Variants in FCRL2 observed in about 807,000 individuals in gnomAD.
The protein encoded by FCRL2 is Fc receptor like 2, also known as Fc receptor-like protein 2.
In FCRL2, 48 loss-of-function variants were observed where a neutral mutation model predicts 59.8. The ratio of observed to expected loss-of-function variants is 0.80; its 90% CI spans 0.64 to 1.02. The LOEUF (loss-of-function observed/expected upper bound fraction) is 1.02, where lower values mean the gene tolerates loss of function less well. Among genes scored for constraint, FCRL2 ranks in the 50% least tolerant of loss-of-function variants. The pLI, the probability that FCRL2 is intolerant of heterozygous loss-of-function variation, is 0.00. For missense variants in FCRL2, 658 were observed against 597.3 expected, an observed-to-expected ratio of 1.10 and a Z score of -1.06; for synonymous variants, 251 against 229.5, an observed-to-expected ratio of 1.09 and a Z score of -0.85.
rs1407437283 is a variant in FCRL2, at chr1:157,774,456, T to C, written c.52+1319A>G. The C allele has an allele frequency of 1.8e-5, 8 of 456,310 alleles. No homozygotes were observed. The East Asian group carries it at 4.9e-4, about 28-fold the overall frequency. The allele number at this position is 456,310 out of a possible 1,614,324, so 28.3% of individuals were successfully genotyped here. A position where few individuals can be genotyped will look rare whatever the true frequency, so the allele number is the denominator to read the frequency against. On this transcript the variant is annotated intron_variant, in intron 2 of 11. Coordinates refer to ENST00000361516, the MANE Select transcript of FCRL2 (RefSeq NM_030764.4). ...TGCTGAACTAAGTTCTCTCTTACTC[T>C]TTTTAAAAAGAAAAGATCTCAAACT...
chr1:157,748,784 G>A, intron 9 of FCRL2, 91 bp downstream of exon 9: 1 of 1,276,294 alleles, frequency 7.8e-7, no homozygotes, highest in Non-Finnish European at 1.1e-6. Context: ...TGGTGTTGGG[G>A]TGTCTACACC....
Position 157,746,621 on chromosome 1 carries a change from G to C in FCRL2, c.*115C>G. 1.0e-6 allele frequency: 1 copy of C among 999,482 alleles called. No individual in the cohort carries two copies. The highest frequency in any genetic ancestry group is 1.4e-5 in the South Asian group (1 of 69,334). The allele number at this position is 999,482 out of a possible 1,614,324, so 61.9% of individuals were successfully genotyped here. ...AAAAATGACAGGAGGTGCCTCCTGA[G>C]GCACGTTCTGGCTGTGGCAGGTGAT... On this transcript the variant is annotated 3_prime_UTR_variant, in exon 12 of 12. Coordinates refer to ENST00000361516, the MANE Select transcript of FCRL2 (RefSeq NM_030764.4).
chr1:157,746,902 G>C lies in FCRL2; in HGVS notation c.1460-3C>G, dbSNP rs766235041. 1.2e-6 allele frequency: 2 copies of C among 1,613,188 alleles called. No homozygotes were observed. Among genetic ancestry groups the C allele is most frequent in the African/African-American group, 1.3e-5 (1 of 75,044 alleles). On this transcript the variant is annotated splice_region_variant and splice_polypyrimidine_tract_variant and intron_variant, in intron 10 of 11. Transcript: ENST00000361516. ...CTCCAGAAGTGTCCTGATGTTTGCT[G>C]TTAAGGAAAAAGTAATAGTTCTGAG...
At chr1:157,776,143 A>G (rs1003602806) in intron 1 of FCRL2, among the ~76,000 whole-genome samples, 8 of 152,182 alleles carry the variant, frequency 5.3e-5, no homozygotes, top group Non-Finnish European at 8.8e-5. Context: ...TGACAACACG[A>G]TCACAAAGGG....
Position 157,770,609 on chromosome 1 carries a change from T to G in FCRL2, c.110A>C (p.Lys37Thr). ...SVFEGDSIVL[K>T]CQGEQNWKIQ... ...TTTCCAGTTCTGTTCTCCCTGGCATTTCAGAACGATGCTGTCTCCTTCGAA... is the reference window on the plus strand; with the variant it reads ...TTTCCAGTTCTGTTCTCCCTGGCATGTCAGAACGATGCTGTCTCCTTCGAA... Residue 37 changes from lysine to threonine, a missense_variant, in exon 3 of 12, where the codon AAA (lysine) becomes ACA (threonine). Lys to Thr is a moderately conservative substitution (Grantham distance 78, BLOSUM62 -1). Coordinates refer to ENST00000361516, the MANE Select transcript of FCRL2 (RefSeq NM_030764.4). The G allele has an allele frequency of 6.2e-7, 1 of 1,614,184 alleles. No individual in the cohort carries two copies. Among genetic ancestry groups the G allele is most frequent in the Non-Finnish European group, 8.5e-7 (1 of 1,180,014 alleles).
intron 7 of FCRL2, among the ~76,000 whole-genome samples, chr1:157,752,331 T>C (rs1648255661): frequency 6.6e-6 from 1 of 152,236 alleles, no homozygotes; most frequent in African/African-American, 2.4e-5. Flanking sequence ...GGAGTTTCCC[T>C]GCACAAGCTT....
At chr1:157,767,098 G>T in intron 6 of FCRL2, 127 bp from the exon 7 acceptor site, 1 of 1,314,574 alleles carries the variant, frequency 7.6e-7, no homozygotes, top group Non-Finnish European at 1.1e-6. Flanking sequence ...GTACTCTTCA[G>T]GTTAGTGTGG....
At chr1:157,760,452 A>C (rs1038541181) in intron 7 of FCRL2, among the ~76,000 whole-genome samples, 1 of 150,686 alleles carries the variant, frequency 6.6e-6, no homozygotes, top group Non-Finnish European at 1.5e-5. Flanking sequence ...GTGAAATGCT[A>C]TCTCTTCTAA....
At chr1:157,765,917 A>G (rs12088706) in intron 7 of FCRL2, among the ~76,000 whole-genome samples, 2,594 of 152,296 alleles carry the variant, frequency 0.017, 64 homozygotes, top group African/African-American at 0.058. Context: ...CTGAATCAAC[A>G]TGTTAAAAGT....
At chr1:157,752,471 T>C (rs1043286585) in intron 7 of FCRL2, among the ~76,000 whole-genome samples, 2 of 152,210 alleles carry the variant, frequency 1.3e-5, no homozygotes, top group African/African-American at 4.8e-5. Context: ...TAAATTGCCC[T>C]GTCTCAGGTA....
At chr1:157,771,402 C>A (rs1406420194) in intron 2 of FCRL2, among the ~76,000 whole-genome samples, 1 of 152,196 alleles carries the variant, frequency 6.6e-6, no homozygotes, top group Non-Finnish European at 1.5e-5. Flanking sequence ...CTTCTTACCT[C>A]ACCAGATAAA....
intron 7 of FCRL2, among the ~76,000 whole-genome samples, chr1:157,760,796 AGGAAGGAAGGAAGGAG>A (rs1649036799): frequency 6.6e-6 from 1 of 151,382 alleles, no homozygotes; most frequent in African/African-American, 2.4e-5. Flanking sequence ...GAAGGAGGGA[AGGAAGGAAGGAAGGAG>A]GGAAGGAAGG....
chr1:157,766,496 TC>T (rs1000566752), intron 7 of FCRL2: 1 of 239,650 alleles, frequency 4.2e-6, no homozygotes, highest in African/African-American at 2.3e-5. Context: ...TTTTTTGTGT[TC>T]CTTTAAATCT....
intron 7 of FCRL2, among the ~76,000 whole-genome samples, chr1:157,751,078 A>G (rs569154131): frequency 1.0e-3 from 152 of 152,322 alleles, no homozygotes; most frequent in African/African-American, 3.5e-3. Flanking sequence ...AATATATAAG[A>G]AAAAAAGGAA....
At chr1:157,776,208 T>G (rs750640533) in intron 1 of FCRL2, among the ~76,000 whole-genome samples, 6 of 152,170 alleles carry the variant, frequency 3.9e-5, no homozygotes, top group Non-Finnish European at 7.3e-5. Context: ...ATCAGTCTCT[T>G]TCCTATGGCC....
intron 10 of FCRL2, 57 bp from the exon 11 acceptor site, chr1:157,746,956 C>T: frequency 6.4e-7 from 1 of 1,571,116 alleles, no homozygotes; most frequent in South Asian, 1.1e-5. Context: ...GGCCTCACTC[C>T]CAGACTTTAT....
rs1227703066 is a variant in FCRL2 at position 157,746,179 on chromosome 1, A to T, written c.*557T>A. On this transcript the variant is annotated 3_prime_UTR_variant, in exon 12 of 12. Coordinates refer to ENST00000361516, the MANE Select transcript of FCRL2 (RefSeq NM_030764.4). ...AGATGCAGAAAGAATAACTGGTACC[A>T]ATCCTGCTGAAACTATGCCAAAAAA... The T allele has an allele frequency of 6.5e-6, 1 of 153,498 alleles. No homozygotes were observed. Among genetic ancestry groups the T allele is most frequent in the Non-Finnish European group, 1.4e-5 (1 of 68,982 alleles). 9.5% of individuals were successfully genotyped at this position (153,498 alleles called of 1,614,324 possible). A position where few individuals can be genotyped will look rare whatever the true frequency, so the allele number is the denominator to read the frequency against.
chr1:157,746,650 C>A lies in FCRL2; in HGVS notation c.*86G>T. ...CGTTCTGGCTGTGGCAGGTGATAAG[C>A]CTCAAGCATTTTCATAAGGTTTTAT... On this transcript the variant is annotated 3_prime_UTR_variant, in exon 12 of 12. Transcript: ENST00000361516. 2 of 1,403,770 alleles carry A rather than the reference C, an allele frequency of 1.4e-6. No individual in the cohort carries two copies. The highest frequency in any genetic ancestry group is 2.0e-6 in the Non-Finnish European group (2 of 995,660). The allele number at this position is 1,403,770 out of a possible 1,614,324, so 87.0% of individuals were successfully genotyped here. A position where few individuals can be genotyped will look rare whatever the true frequency, so the allele number is the denominator to read the frequency against.
At chr1:157,763,805 C>A (rs945076614) in intron 7 of FCRL2, among the ~76,000 whole-genome samples, 2 of 151,990 alleles carry the variant, frequency 1.3e-5, no homozygotes, top group Non-Finnish European at 2.9e-5. Context: ...CCAAGGCGGG[C>A]AGATCAGGAA....
Sources: gnomAD v4.1 joint callset for allele counts (sites outside exome capture counted in the v4.1 genomes callset) on GRCh38, gnomAD v4.1.1 for gene constraint, MANE v1.5 for transcripts, NCBI Gene and HGNC (gene_info 2026-07-23, HGNC 2026-07-21) for gene names.